The following ADCY2 variants were observed in gnomAD, a reference collection of about 807,000 sequenced individuals.
The protein encoded by ADCY2 is adenylate cyclase type 2.
A neutral mutation model predicts 125.2 loss-of-function variants in ADCY2; 31 were observed. The observed-to-expected ratio is 0.25, with a 90% CI of 0.19 to 0.33. The LOEUF (loss-of-function observed/expected upper bound fraction) is 0.33, where lower values mean the gene tolerates loss of function less well. Ranked by LOEUF, ADCY2 falls within the 10% of genes least tolerant of loss-of-function variation. The pLI, the probability that ADCY2 is intolerant of heterozygous loss-of-function variation, is 1.00. For missense variants in ADCY2, 904 were observed against 1,418.2 expected, an observed-to-expected ratio of 0.64 and a Z score of 5.82; for synonymous variants, 512 against 548.4, an observed-to-expected ratio of 0.93 and a Z score of 0.93.
chr5:7,419,947 C>G (rs113356884), intron 2 of ADCY2, among the ~76,000 whole-genome samples: 25 of 152,234 alleles, frequency 1.6e-4, no homozygotes, highest in African/African-American at 5.3e-4. Context: ...AGTGCAGAGA[C>G]GAAGGCACAG....
intron 2 of ADCY2, among the ~76,000 whole-genome samples, chr5:7,512,356 A>G (rs1744102098): frequency 6.6e-6 from 1 of 152,074 alleles, no homozygotes; most frequent in Non-Finnish European, 1.5e-5. Context: ...TGGTGTAAGA[A>G]AGGCTGTTTG....
At chr5:7,672,168 G>A (rs1739958110) in intron 4 of ADCY2, among the ~76,000 whole-genome samples, 1 of 152,128 alleles carries the variant, frequency 6.6e-6, no homozygotes, top group Non-Finnish European at 1.5e-5. Flanking sequence ...TCTCAGCTGA[G>A]AACTCAGTGA....
At chr5:7,457,120 A>G (rs142067927) in intron 2 of ADCY2, among the ~76,000 whole-genome samples, 202 of 152,326 alleles carry the variant, frequency 1.3e-3, no homozygotes, top group African/African-American at 4.7e-3. Context: ...CAGTTTGAGA[A>G]CCAAGAATGT....
intron 9 of ADCY2, among the ~76,000 whole-genome samples, chr5:7,708,842 C>T (rs990231674): frequency 2.0e-5 from 3 of 152,002 alleles, no homozygotes; most frequent in African/African-American, 4.8e-5. Context: ...CACCAAAACA[C>T]GATGTTTGGG....
intron 2 of ADCY2, among the ~76,000 whole-genome samples, chr5:7,443,572 A>C (rs926547824): frequency 7.6e-6 from 1 of 130,746 alleles, no homozygotes; most frequent in South Asian, 2.7e-4. Flanking sequence ...CCCAGGAGGC[A>C]GAGCTTGCAG....
At chr5:7,704,672 C>A (rs1034963755) in intron 7 of ADCY2, among the ~76,000 whole-genome samples, 1 of 151,988 alleles carries the variant, frequency 6.6e-6, no homozygotes, top group Non-Finnish European at 1.5e-5. Context: ...GAGGTCAGGA[C>A]ATCGAGACCA....
chr5:7,412,885 C>G (rs898667758), intron 1 of ADCY2, among the ~76,000 whole-genome samples: 4 of 152,214 alleles, frequency 2.6e-5, no homozygotes, highest in African/African-American at 9.6e-5. Flanking sequence ...CTGCCCCTAC[C>G]AGGATGGTGG....
chr5:7,458,501 C>T (rs76992024), intron 2 of ADCY2, among the ~76,000 whole-genome samples: 11 of 151,962 alleles, frequency 7.2e-5, no homozygotes, highest in South Asian at 2.1e-4. Flanking sequence ...CTCCAATATG[C>T]GTTTAGGAAA....
At chr5:7,628,670 C>T (rs1483922046) in intron 4 of ADCY2, among the ~76,000 whole-genome samples, 1 of 152,160 alleles carries the variant, frequency 6.6e-6, no homozygotes, top group East Asian at 1.9e-4. Context: ...AGCATTTTGT[C>T]ACAAGCGTTG....
chr5:7,657,280 A>G (rs1312518208), intron 4 of ADCY2, among the ~76,000 whole-genome samples: 1 of 152,212 alleles, frequency 6.6e-6, no homozygotes, highest in East Asian at 1.9e-4. Context: ...CTGAGGAGGC[A>G]GGGTGCTGGA....
intron 4 of ADCY2, among the ~76,000 whole-genome samples, chr5:7,660,288 GAA>G (rs1415360970): frequency 6.6e-5 from 10 of 151,554 alleles, no homozygotes; most frequent in African/African-American, 2.4e-4. Flanking sequence ...AGGAAGGAAG[GAA>G]GGAAGGAAGG....
chr5:7,760,289 G>A (rs1743153340), intron 16 of ADCY2, among the ~76,000 whole-genome samples: 1 of 152,248 alleles, frequency 6.6e-6, no homozygotes, highest in African/African-American at 2.4e-5. Context: ...CCAGGAAAGT[G>A]CACTGCCAAG....
intron 19 of ADCY2, among the ~76,000 whole-genome samples, chr5:7,788,123 G>A (rs1744137251): frequency 6.6e-6 from 1 of 152,048 alleles, no homozygotes; most frequent in Non-Finnish European, 1.5e-5. Context: ...AGTCCATGGT[G>A]TGGAAAATCT....
At chr5:7,805,279 C>T (rs1744723316) in intron 22 of ADCY2, among the ~76,000 whole-genome samples, 1 of 151,962 alleles carries the variant, frequency 6.6e-6, no homozygotes, top group Non-Finnish European at 1.5e-5. Flanking sequence ...TGAGATCGCA[C>T]CACTGCACTC....
At chr5:7,427,991 A>G (rs1219419225) in intron 2 of ADCY2, among the ~76,000 whole-genome samples, 4 of 152,166 alleles carry the variant, frequency 2.6e-5, no homozygotes, top group Non-Finnish European at 5.9e-5. Flanking sequence ...CAGAACAACA[A>G]CTACAGAGCA....
intron 19 of ADCY2, among the ~76,000 whole-genome samples, chr5:7,788,973 T>A (rs1393482136): frequency 1.3e-5 from 2 of 152,240 alleles, no homozygotes; most frequent in African/African-American, 2.4e-5. Context: ...GCCTCTCCAT[T>A]CCTACAATGT....
Position 7,802,488 on chromosome 5 carries a change from G to A in ADCY2, c.2775+124G>A, listed in dbSNP as rs1413395900. On this transcript the variant is annotated intron_variant, in intron 21 of 24. Coordinates refer to ENST00000338316, the MANE Select transcript of ADCY2 (RefSeq NM_020546.3). The surrounding 1 kb of genome is among the most constrained non-coding windows in gnomAD (Gnocchi z 4.6). ...TTGTCCTTTGGCATAATTTCTGGCAGATGGCATTAAAGCCTTTTGCTTTAT... is the reference window on the plus strand; with the variant it reads ...TTGTCCTTTGGCATAATTTCTGGCAAATGGCATTAAAGCCTTTTGCTTTAT... The A allele has an allele frequency of 2.8e-5, 31 of 1,105,158 alleles. No homozygotes were observed. The highest frequency in any genetic ancestry group is 2.1e-4 in the Middle Eastern group (1 of 4,666). The allele number at this position is 1,105,158 out of a possible 1,614,324, so 68.5% of individuals were successfully genotyped here.
intron 10 of ADCY2, among the ~76,000 whole-genome samples, chr5:7,711,601 C>T (rs1741441918): frequency 6.6e-6 from 1 of 152,114 alleles, no homozygotes; most frequent in African/African-American, 2.4e-5. Flanking sequence ...GTGACTGTCT[C>T]TTTTATTATC....
At chr5:7,780,117 A>G (rs1743870350) in intron 18 of ADCY2, among the ~76,000 whole-genome samples, 1 of 152,154 alleles carries the variant, frequency 6.6e-6, no homozygotes, top group Admixed American at 6.5e-5. Context: ...TGTCTTAGCA[A>G]TTCCCTGCTG....
Sources: gnomAD v4.1 joint callset for allele counts (sites outside exome capture counted in the v4.1 genomes callset) on GRCh38, gnomAD v4.1.1 for gene constraint, Gnocchi (gnomAD v3.1) non-coding constraint, MANE v1.5 for transcripts, NCBI Gene and HGNC (gene_info 2026-07-23, HGNC 2026-07-21) for gene names.